The following CACNA1A variants were observed in gnomAD, a reference collection of about 807,000 sequenced individuals.
The protein encoded by CACNA1A is voltage-dependent P/Q-type calcium channel subunit alpha-1A.
Under a neutral mutation model 262.4 loss-of-function variants are expected in CACNA1A, and 57 were observed. The observed-to-expected ratio is 0.22, with a 90% confidence interval of 0.18 to 0.27. The LOEUF is 0.27. CACNA1A is among the 10% of genes least tolerant of loss of function. The pLI, the probability that CACNA1A is intolerant of heterozygous loss-of-function variation, is 1.00. For synonymous variants in CACNA1A, 1,431 were observed against 1,419.3 expected (o/e 1.01, Z -0.18); for missense variants, 2,526 against 3,562.8 (o/e 0.71, Z 7.41).
chr19:13,453,047 T>C, intron 2 of CACNA1A, 32 bp from the exon 3 acceptor site: 1 of 1,613,262 alleles, frequency 6.2e-7, no homozygotes, highest in Non-Finnish European at 8.5e-7. Flanking sequence ...GTCAGCGTCT[T>C]GGGCTGGGCA....
At position 13,212,203 on chromosome 19, in the gene CACNA1A, C is replaced by T. The variant is rs769040794; in HGVS notation, c.6203G>A (p.Arg2068Gln). 2.8e-5 allele frequency: 45 copies of T among 1,613,714 alleles called. No homozygotes were observed. Among genetic ancestry groups the T allele is most frequent in the Middle Eastern group, 3.3e-4 (2 of 6,082 alleles). The change falls in exon 43 of 47, where the codon CGA becomes CAA. Residue 2068 changes from arginine (R) to glutamine (Q), a missense_variant. Physicochemically the swap from Arg to Gln is conservative, Grantham distance 43 (BLOSUM62 1). This residue lies in a region of CACNA1A where 929 missense variants were observed against 868.1 expected (regional missense o/e 1.07). Coordinates refer to ENST00000360228, the MANE Select transcript of CACNA1A (RefSeq NM_001127222.2). This position sits in a 1 kb window ranked among gnomAD's most constrained non-coding sequence, Gnocchi z 5.6. The part of the protein sequence containing the change: ...SQPNSQSVEM[R>Q]EMGRDGYSDS... ...GGAGTAGCCATCTCTGCCCATCTCT[C>T]GCATCTCCACGGACTGCGGAGCAGA...
intron 38 of CACNA1A, among the ~76,000 whole-genome samples, chr19:13,216,216 C>T (rs1269209048): frequency 6.6e-6 from 1 of 152,102 alleles, no homozygotes; most frequent in African/African-American, 2.4e-5. Flanking sequence ...TCCTGGCCCT[C>T]CTACCTGAGT....
At chr19:13,377,324 T>C (rs1394566166) in intron 3 of CACNA1A, among the ~76,000 whole-genome samples, 2 of 151,838 alleles carry the variant, frequency 1.3e-5, no homozygotes, top group African/African-American at 2.4e-5. Flanking sequence ...GGACCTCTAA[T>C]GGGCATGTAC....
chr19:13,339,814 C>G (rs1282892427), intron 6 of CACNA1A, among the ~76,000 whole-genome samples: 3 of 150,970 alleles, frequency 2.0e-5, no homozygotes, highest in Non-Finnish European at 2.9e-5. Flanking sequence ...CTAACAAAGT[C>G]AGCTTTAATC....
intron 23 of CACNA1A, 38 bp downstream of exon 23, chr19:13,277,031 A>T: frequency 6.6e-7 from 1 of 1,506,074 alleles, no homozygotes; most frequent in Non-Finnish European, 9.2e-7. Flanking sequence ...CTTAAAAAAA[A>T]AAATTACCGT....
At chr19:13,232,870 A>G (rs141679884) in intron 34 of CACNA1A, among the ~76,000 whole-genome samples, 1,691 of 151,504 alleles carry the variant, frequency 0.011, 11 homozygotes, top group Non-Finnish European at 0.015. Context: ...CCAACATGGC[A>G]AAACCCCGTC....
intron 1 of CACNA1A, among the ~76,000 whole-genome samples, chr19:13,456,949 A>T (rs1352304956): frequency 6.6e-6 from 1 of 152,000 alleles, no homozygotes; most frequent in Non-Finnish European, 1.5e-5. Context: ...TGCTGGTGGG[A>T]ATATAAAATG....
chr19:13,336,919 A>T (rs944738302), intron 6 of CACNA1A, among the ~76,000 whole-genome samples: 37 of 152,242 alleles, frequency 2.4e-4, no homozygotes, highest in African/African-American at 8.9e-4. Context: ...TCCAGCTGTC[A>T]GGGCAGGGGT....
intron 19 of CACNA1A, among the ~76,000 whole-genome samples, chr19:13,294,252 A>T (rs2057612019): frequency 6.6e-6 from 1 of 151,820 alleles, no homozygotes. Context: ...AACAAACTAA[A>T]GGCACAGATA....
chr19:13,321,025 CTTTTTTTTTT>C (rs55792271), intron 10 of CACNA1A, among the ~76,000 whole-genome samples: 1 of 135,940 alleles, frequency 7.4e-6, no homozygotes, highest in South Asian at 2.4e-4. Flanking sequence ...TGTTCTTTTC[CTTTTTTTTTT>C]TTTTTCTTTT....
chr19:13,318,624 T>C (rs1160279331), intron 10 of CACNA1A, among the ~76,000 whole-genome samples: 1 of 151,844 alleles, frequency 6.6e-6, no homozygotes, highest in Non-Finnish European at 1.5e-5. Context: ...GTGATGATGA[T>C]GATGGATGGG....
At chr19:13,281,357 G>A (rs1014033391) in intron 22 of CACNA1A, among the ~76,000 whole-genome samples, 2 of 139,788 alleles carry the variant, frequency 1.4e-5, no homozygotes, top group Non-Finnish European at 3.0e-5. Flanking sequence ...CAACCTGGGC[G>A]ACAGAGAGAG....
intron 2 of CACNA1A, among the ~76,000 whole-genome samples, chr19:13,453,308 C>T (rs144598767): frequency 2.6e-5 from 4 of 152,202 alleles, no homozygotes; most frequent in Admixed American, 2.0e-4. Flanking sequence ...ACGACAGTCA[C>T]AGGCCACATG....
chr19:13,310,509 T>TGGAGAG (rs1568521528), intron 12 of CACNA1A, among the ~76,000 whole-genome samples: 1 of 35,812 alleles, frequency 2.8e-5, no homozygotes, highest in African/African-American at 2.3e-4. Flanking sequence ...TATATATATA[T>TGGAGAG]ATATGTAGAG....
intron 3 of CACNA1A, among the ~76,000 whole-genome samples, chr19:13,447,834 T>G (rs1018317824): frequency 6.6e-6 from 1 of 152,114 alleles, no homozygotes; most frequent in African/African-American, 2.4e-5. Context: ...CTTTCCAACT[T>G]CTTCTGCCTG....
intron 19 of CACNA1A, among the ~76,000 whole-genome samples, chr19:13,294,793 C>T (rs1314635585): frequency 6.6e-6 from 1 of 152,118 alleles, no homozygotes; most frequent in East Asian, 1.9e-4. Flanking sequence ...TGGCCTGTAC[C>T]TGGCTCTTCA....
chr19:13,397,695 T>G (rs1346412824), intron 3 of CACNA1A, among the ~76,000 whole-genome samples: 1 of 152,154 alleles, frequency 6.6e-6, no homozygotes, highest in Non-Finnish European at 1.5e-5. Context: ...TCCTGGATGC[T>G]CAGTTAGACT....
At chr19:13,386,804 G>C (rs143874844) in intron 3 of CACNA1A, among the ~76,000 whole-genome samples, 1 of 152,058 alleles carries the variant, frequency 6.6e-6, no homozygotes, top group Non-Finnish European at 1.5e-5. Context: ...AGGAAAAAAA[G>C]AAAGAACTGA....
intron 24 of CACNA1A, chr19:13,272,647 GA>G (rs761862078): frequency 3.3e-5 from 5 of 152,036 alleles, no homozygotes; most frequent in Non-Finnish European, 7.3e-5. Context: ...TAGAAACTGA[GA>G]GGGGGTAAAA....
Sources: allele counts gnomAD v4.1 joint callset (sites outside exome capture counted in the v4.1 genomes callset), GRCh38; gene constraint gnomAD v4.1.1; regional missense constraint gnomAD v4.1.1; non-coding constraint Gnocchi (gnomAD v3.1); transcripts MANE v1.5; gene names NCBI Gene and HGNC (gene_info 2026-07-23, HGNC 2026-07-21).